GRM1: variants seen among roughly 807,000 people sequenced by gnomAD.
GRM1 encodes the protein metabotropic glutamate receptor 1.
In GRM1, 33 loss-of-function variants were observed where a neutral mutation model predicts 90.9. The ratio of observed to expected loss-of-function variants is 0.36; its 90% CI spans 0.28 to 0.49. The LOEUF (loss-of-function observed/expected upper bound fraction) is 0.49. Ranked by LOEUF, GRM1 falls within the 20% of genes least tolerant of loss-of-function variation. The pLI is 0.99. For synonymous variants in GRM1, 700 were observed against 613.2 expected (o/e 1.14, Z -2.09); for missense variants, 1,190 against 1,534.3 (o/e 0.78, Z 3.75).
At chr6:146,057,743 C>A (rs6914061) in intron 1 of GRM1, among the ~76,000 whole-genome samples, 6,891 of 152,086 alleles carry the variant, frequency 0.045, 537 homozygotes, top group African/African-American at 0.15. Context: ...TATTTCTCAA[C>A]CATTTAATTA....
At chr6:146,374,969 A>T (rs1776040025) in intron 5 of GRM1, among the ~76,000 whole-genome samples, 1 of 151,900 alleles carries the variant, frequency 6.6e-6, no homozygotes, top group Non-Finnish European at 1.5e-5. Context: ...TTGTTCATTT[A>T]AAGTTTTTTT....
chr6:146,226,089 G>A lies in GRM1; in HGVS notation c.950+66492G>A, dbSNP rs534666449. Among the ~76,000 whole-genome samples the A allele has an allele frequency of 4.0e-4, 61 of 152,230 alleles. No homozygotes were observed. The South Asian group carries it at 0.011, about 27-fold the overall frequency. ...GGGCAAGTTCTGCTTCATTTAAGCC[G>A]ATCAGTAAAGCCATTTCCTAGCTTC... On this transcript the variant is annotated intron_variant, in intron 2 of 7. Coordinates refer to ENST00000282753, the MANE Select transcript of GRM1 (RefSeq NM_001278064.2).
chr6:146,316,355 C>G (rs1387879514), intron 3 of GRM1, among the ~76,000 whole-genome samples: 1 of 152,190 alleles, frequency 6.6e-6, no homozygotes, highest in Non-Finnish European at 1.5e-5. Flanking sequence ...CCAGGATAAT[C>G]TCTCCATCTC....
chr6:146,200,501 C>G (rs1468893609), intron 2 of GRM1, among the ~76,000 whole-genome samples: 4 of 152,160 alleles, frequency 2.6e-5, no homozygotes, highest in Non-Finnish European at 5.9e-5. Flanking sequence ...GGGTCACTGC[C>G]TCCTTCCAGG....
rs189847958 is a variant in GRM1 at position 146,203,012 on chromosome 6, G to A, written c.950+43415G>A. Among the ~76,000 whole-genome samples, 1,381 of 151,922 alleles carry A rather than the reference G, an allele frequency of 9.1e-3. 12 individuals are homozygous for A. Among genetic ancestry groups the A allele is most frequent in the Non-Finnish European group, 0.012 (826 of 67,942 alleles). ...AGAGAGAGACAATCCTGGCTAACAC[G>A]GTGAAACCCCGTCTCACTAAAAATA... On this transcript the variant is annotated intron_variant, in intron 2 of 7. Transcript: ENST00000282753.
At chr6:146,160,664 C>G (rs950732978) in intron 2 of GRM1, among the ~76,000 whole-genome samples, 4 of 152,136 alleles carry the variant, frequency 2.6e-5, no homozygotes, top group African/African-American at 9.7e-5. Flanking sequence ...CTCACTGGAC[C>G]TTTCCCTTTT....
At chr6:146,202,915 G>T (rs1488689836) in intron 2 of GRM1, among the ~76,000 whole-genome samples, 3 of 152,112 alleles carry the variant, frequency 2.0e-5, no homozygotes, top group Non-Finnish European at 4.4e-5. Context: ...CCCTGAATTG[G>T]CCGGGCGCGG....
rs1175641055 is a variant in GRM1 at position 146,437,028 on chromosome 6, G to C, written c.*2232G>C. On this transcript the variant is annotated 3_prime_UTR_variant, in exon 8 of 8. Transcript: ENST00000282753. ...CCTTTATTGAAAAGATCTCATGACT[G>C]AGATGTGGACTTTGGTTCCATGTTT... The C allele has an allele frequency of 6.6e-6, 1 of 152,230 alleles. No homozygotes were observed. Among genetic ancestry groups the C allele is most frequent in the Admixed American group, 6.5e-5 (1 of 15,268 alleles). The allele number at this position is 152,230 out of a possible 1,614,324, so 9.4% of individuals were successfully genotyped here. A position where few individuals can be genotyped will look rare whatever the true frequency, so the allele number is the denominator to read the frequency against.
intron 2 of GRM1, among the ~76,000 whole-genome samples, chr6:146,207,569 A>T (rs1485882578): frequency 1.3e-5 from 2 of 152,140 alleles, no homozygotes; most frequent in Non-Finnish European, 2.9e-5. Context: ...GTTACTAGTT[A>T]AGTAGTACTT....
intron 1 of GRM1, among the ~76,000 whole-genome samples, chr6:146,068,858 A>T (rs899467779): frequency 6.6e-6 from 1 of 152,218 alleles, no homozygotes; most frequent in Admixed American, 6.5e-5. Context: ...AAAGCTACCT[A>T]CTTAATCCAA....
intron 2 of GRM1, among the ~76,000 whole-genome samples, chr6:146,172,194 T>C (rs1778153671): frequency 6.6e-6 from 1 of 152,182 alleles, no homozygotes; most frequent in Non-Finnish European, 1.5e-5. Flanking sequence ...GTTCCTTGGA[T>C]TGTAGAACTC....
intron 2 of GRM1, among the ~76,000 whole-genome samples, chr6:146,251,934 A>G (rs888900880): frequency 6.6e-6 from 1 of 152,174 alleles, no homozygotes; most frequent in African/African-American, 2.4e-5. Flanking sequence ...TCCAGGGCTC[A>G]TGCCTTCACC....
intron 2 of GRM1, among the ~76,000 whole-genome samples, chr6:146,188,840 C>T (rs916162941): frequency 3.9e-5 from 6 of 152,222 alleles, no homozygotes; most frequent in African/African-American, 7.2e-5. Flanking sequence ...CTTGCTGCCT[C>T]ACTTCCAAAC....
chr6:146,370,723 C>T (rs1247485294), intron 5 of GRM1, among the ~76,000 whole-genome samples: 2 of 151,976 alleles, frequency 1.3e-5, no homozygotes, highest in Non-Finnish European at 2.9e-5. Context: ...CATTGTGATA[C>T]TGGGAAGAGC....
intron 3 of GRM1, among the ~76,000 whole-genome samples, chr6:146,324,437 GA>G (rs1290038885): frequency 1.3e-5 from 2 of 151,284 alleles, no homozygotes; most frequent in Non-Finnish European, 2.9e-5. Context: ...CTCCACTGGG[GA>G]AAAAAAATAA....
At chr6:146,349,235 TTTTTTTTTTTA>T (rs975197468) in intron 3 of GRM1, among the ~76,000 whole-genome samples, 15 of 112,612 alleles carry the variant, frequency 1.3e-4, no homozygotes, top group East Asian at 2.4e-4. Flanking sequence ...CCCGGCTATT[TTTTTTTTTTTA>T]TTTTTTTTTT....
intron 2 of GRM1, among the ~76,000 whole-genome samples, chr6:146,174,565 G>A (rs1000574768): frequency 1.3e-5 from 2 of 152,106 alleles, no homozygotes; most frequent in African/African-American, 4.8e-5. Flanking sequence ...TATGTACTGA[G>A]TTTGGTCACT....
At chr6:146,094,505 G>A (rs17075666) in intron 1 of GRM1, among the ~76,000 whole-genome samples, 3 of 152,006 alleles carry the variant, frequency 2.0e-5, no homozygotes, top group Non-Finnish European at 2.9e-5. Flanking sequence ...CGTATTACTC[G>A]ATTTTCTTTA....
intron 2 of GRM1, among the ~76,000 whole-genome samples, chr6:146,163,773 A>G (rs1157855775): frequency 6.6e-6 from 1 of 152,212 alleles, no homozygotes; most frequent in Non-Finnish European, 1.5e-5. Context: ...CAGCTAAAGT[A>G]TCTCCCATGA....
Sources: allele counts gnomAD v4.1 joint callset (sites outside exome capture counted in the v4.1 genomes callset), GRCh38; gene constraint gnomAD v4.1.1; transcripts MANE v1.5; gene names NCBI Gene and HGNC (gene_info 2026-07-23, HGNC 2026-07-21).